The following LPAR1 variants were observed in gnomAD, a reference collection of about 807,000 sequenced individuals.
LPAR1 encodes lysophosphatidic acid receptor 1.
A neutral mutation model predicts 23.8 loss-of-function variants in LPAR1; 5 were observed. The ratio of observed to expected loss-of-function variants is 0.21; its 90% CI spans 0.11 to 0.44. The LOEUF is 0.44. LPAR1 is among the 20% of genes least tolerant of loss of function. LPAR1 has a pLI of 0.99. For missense variants in LPAR1, 311 were observed against 482.8 expected (o/e 0.64, Z 3.33); for synonymous variants, 160 against 164.7 (o/e 0.97, Z 0.22).
At chr9:110,894,644 TG>T (rs2085668598) in intron 5 of LPAR1, among the ~76,000 whole-genome samples, 1 of 152,210 alleles carries the variant, frequency 6.6e-6, no homozygotes. Context: ...TCCTTTAATC[TG>T]AAACAATTCT....
chr9:111,030,380 T>C (rs1248419764), intron 2 of LPAR1, among the ~76,000 whole-genome samples: 1 of 152,178 alleles, frequency 6.6e-6, no homozygotes, highest in Non-Finnish European at 1.5e-5. Flanking sequence ...GGCAATTCTG[T>C]TTCAGTTGTG....
intron 5 of LPAR1, among the ~76,000 whole-genome samples, chr9:110,929,816 T>C (rs1383651693): frequency 6.6e-6 from 1 of 152,134 alleles, no homozygotes; most frequent in Non-Finnish European, 1.5e-5. Flanking sequence ...ATTTGTTTTT[T>C]AGTATAAGTA....
In LPAR1 at chr9:110,941,600, G is replaced by C. The variant is rs552839125; in HGVS notation, c.614C>G (p.Ser205Cys). 1 of 1,614,108 alleles carries C rather than the reference G, an allele frequency of 6.2e-7. No homozygotes were observed. The highest frequency in any genetic ancestry group is 1.7e-5 in the Admixed American group (1 of 60,020). The change falls in exon 5 of 6, where the codon TCT becomes TGT. Residue 205 changes from serine (S) to cysteine (C), a missense_variant. Ser to Cys is a moderately radical substitution (Grantham distance 112). Coordinates refer to ENST00000683809, the MANE Select transcript of LPAR1 (RefSeq NM_001351411.2). This position sits in a 1 kb window ranked among gnomAD's most constrained non-coding sequence, Gnocchi z 6.1. ...CSNMAPLYSD[S>C]YLVFWAIFNL... ...GAAAATGGCCCAGAAGACTAAGTAA[G>C]AGTCACTGTAGAGGGGTGCCATGTT...
At chr9:110,909,814 C>T (rs1564438122) in intron 5 of LPAR1, among the ~76,000 whole-genome samples, 1 of 150,792 alleles carries the variant, frequency 6.6e-6, no homozygotes, top group African/African-American at 2.4e-5. Context: ...GGTGTGATCT[C>T]GGCTCACTAT....
chr9:110,909,612 T>C (rs1213334576), intron 5 of LPAR1, among the ~76,000 whole-genome samples: 1 of 152,224 alleles, frequency 6.6e-6, no homozygotes, highest in East Asian at 1.9e-4. Context: ...ATGTGCTCAC[T>C]TGGTGTCTGT....
At chr9:110,978,926 G>T (rs537184926) in intron 2 of LPAR1, among the ~76,000 whole-genome samples, 68 of 152,244 alleles carry the variant, frequency 4.5e-4, no homozygotes, top group African/African-American at 1.6e-3. Flanking sequence ...TGGTTGTGGG[G>T]AGAGGGAGTT....
chr9:110,914,515 C>T (rs571491136), intron 5 of LPAR1, among the ~76,000 whole-genome samples: 1 of 152,312 alleles, frequency 6.6e-6, no homozygotes, highest in South Asian at 2.1e-4. Context: ...CCTCCCACAA[C>T]ACATGGGAAT....
chr9:110,954,142 C>G (rs919899523), intron 4 of LPAR1, among the ~76,000 whole-genome samples: 1 of 152,000 alleles, frequency 6.6e-6, no homozygotes, highest in Admixed American at 6.6e-5. Context: ...AATCTTGGTA[C>G]TAAAGAATTC....
Position 110,936,866 on chromosome 9 carries a change from C to A in LPAR1, c.793+4555G>T, listed in dbSNP as rs75265048. On this transcript the variant is annotated intron_variant, in intron 5 of 5. Coordinates refer to ENST00000683809, the MANE Select transcript of LPAR1 (RefSeq NM_001351411.2). ...AGAAGTGTCATCACAAAGAATACAGCCAAAAAGGAAAGGACTTATAATTCA... is the reference window on the plus strand; with the variant it reads ...AGAAGTGTCATCACAAAGAATACAGACAAAAAGGAAAGGACTTATAATTCA... Among the ~76,000 whole-genome samples, 10 of 152,094 alleles carry A rather than the reference C, an allele frequency of 6.6e-5. No individual in the cohort carries two copies. In the East Asian group the frequency reaches 1.7e-3, roughly 26 times the overall value.
At chr9:110,925,818 G>T (rs2093980054) in intron 5 of LPAR1, among the ~76,000 whole-genome samples, 1 of 152,166 alleles carries the variant, frequency 6.6e-6, no homozygotes, top group Non-Finnish European at 1.5e-5. Context: ...TCCTCATTTG[G>T]GAGACAGTAC....
At chr9:110,903,317 T>C (rs1011505778) in intron 5 of LPAR1, 1 of 151,928 alleles carries the variant, frequency 6.6e-6, no homozygotes, top group Non-Finnish European at 1.5e-5. Context: ...GAACTAGAAG[T>C]TATTAAAAAA....
intron 5 of LPAR1, among the ~76,000 whole-genome samples, chr9:110,889,987 A>G (rs1038529285): frequency 1.3e-5 from 2 of 152,228 alleles, no homozygotes; most frequent in African/African-American, 4.8e-5. Flanking sequence ...AAAACATGTT[A>G]CTGAAATAGT....
intron 2 of LPAR1, among the ~76,000 whole-genome samples, chr9:111,022,126 T>G (rs1392479465): frequency 6.6e-6 from 1 of 151,770 alleles, no homozygotes; most frequent in African/African-American, 2.4e-5. Context: ...ATACCTGGAG[T>G]TCTCCCAAGT....
At chr9:110,992,218 A>T (rs534557763) in intron 2 of LPAR1, among the ~76,000 whole-genome samples, 2 of 152,308 alleles carry the variant, frequency 1.3e-5, no homozygotes, top group Non-Finnish European at 2.9e-5. Flanking sequence ...AAAGATTGGG[A>T]CAGTTTACCA....
At chr9:110,983,906 T>C (rs2139172557) in intron 2 of LPAR1, among the ~76,000 whole-genome samples, 1 of 152,152 alleles carries the variant, frequency 6.6e-6, no homozygotes, top group East Asian at 1.9e-4. Context: ...TCAAAAATTC[T>C]ACAGCCAATC....
intron 5 of LPAR1, among the ~76,000 whole-genome samples, chr9:110,923,449 C>T (rs2135290896): frequency 6.6e-6 from 1 of 152,226 alleles, no homozygotes; most frequent in South Asian, 2.1e-4. Context: ...AGATATTCAA[C>T]ACTTTATTGT....
At chr9:110,923,258 C>T (rs899601704) in intron 5 of LPAR1, among the ~76,000 whole-genome samples, 1 of 152,156 alleles carries the variant, frequency 6.6e-6, no homozygotes, top group Non-Finnish European at 1.5e-5. Flanking sequence ...ATAGTACCTA[C>T]CAAGTACTTA....
At chr9:110,961,800 T>C (rs2096001061) in intron 4 of LPAR1, among the ~76,000 whole-genome samples, 1 of 151,816 alleles carries the variant, frequency 6.6e-6, no homozygotes, top group Admixed American at 6.6e-5. Context: ...CCATCAGATC[T>C]CATGAGACTT....
At chr9:111,023,182 T>C (rs2097597808) in intron 2 of LPAR1, among the ~76,000 whole-genome samples, 1 of 152,170 alleles carries the variant, frequency 6.6e-6, no homozygotes, top group African/African-American at 2.4e-5. Flanking sequence ...ATTTGACTTT[T>C]GTCAAGTAAG....
Sources: gnomAD v4.1 joint callset for allele counts (sites outside exome capture counted in the v4.1 genomes callset) on GRCh38, gnomAD v4.1.1 for gene constraint, Gnocchi (gnomAD v3.1) non-coding constraint, MANE v1.5 for transcripts, NCBI Gene and HGNC (gene_info 2026-07-23, HGNC 2026-07-21) for gene names.